The following RABGAP1L variants were observed in gnomAD, a reference collection of about 807,000 sequenced individuals.
RABGAP1L encodes rab GTPase-activating protein 1-like.
Under a neutral mutation model 137.7 loss-of-function variants are expected in RABGAP1L, and 63 were observed. The ratio of observed to expected loss-of-function variants is 0.46; its 90% CI spans 0.37 to 0.56. The LOEUF (loss-of-function observed/expected upper bound fraction) is 0.56, where lower values mean the gene tolerates loss of function less well. RABGAP1L is among the 20% of genes least tolerant of loss of function. The pLI is 0.00. For missense variants in RABGAP1L, 1,095 were observed against 1,244.0 expected, an observed-to-expected ratio of 0.88 and a Z score of 1.80; for synonymous variants, 431 against 433.7, an observed-to-expected ratio of 0.99 and a Z score of 0.08.
chr1:174,578,136 T>G (rs1203387658), intron 13 of RABGAP1L, among the ~76,000 whole-genome samples: 4 of 152,224 alleles, frequency 2.6e-5, no homozygotes, highest in Non-Finnish European at 5.9e-5. Flanking sequence ...TTGTCCACTA[T>G]ACTTTTAAAA....
chr1:174,399,004 TTTAAG>T (rs1286816313), intron 13 of RABGAP1L, among the ~76,000 whole-genome samples: 1 of 152,200 alleles, frequency 6.6e-6, no homozygotes, highest in Non-Finnish European at 1.5e-5. Context: ...CTATGACAAC[TTTAAG>T]TTTTTAATGT....
intron 18 of RABGAP1L, among the ~76,000 whole-genome samples, chr1:174,766,162 T>C (rs955179775): frequency 6.6e-6 from 1 of 152,138 alleles, no homozygotes; most frequent in African/African-American, 2.4e-5. Context: ...AGCCAAAGTG[T>C]GAGAAGAAAC....
chr1:174,291,013 G>A (rs1034824112), intron 10 of RABGAP1L, among the ~76,000 whole-genome samples: 3 of 152,092 alleles, frequency 2.0e-5, no homozygotes, highest in Admixed American at 2.0e-4. Flanking sequence ...TCCCACTGCA[G>A]CCTTTTAAAA....
At chr1:174,597,144 T>A (rs957772256) in intron 13 of RABGAP1L, among the ~76,000 whole-genome samples, 1 of 152,176 alleles carries the variant, frequency 6.6e-6, no homozygotes, top group African/African-American at 2.4e-5. Flanking sequence ...ATTTTTTGTA[T>A]CAATGTTCGT....
intron 13 of RABGAP1L, among the ~76,000 whole-genome samples, chr1:174,422,054 C>A (rs1056759701): frequency 9.2e-5 from 14 of 152,162 alleles, no homozygotes; most frequent in African/African-American, 3.4e-4. Flanking sequence ...CAGGTGTGAG[C>A]CAACACGCCC....
In RABGAP1L at chr1:174,172,474, T is replaced by C. The variant is rs1282965206; in HGVS notation, c.-34+12817T>C. On this transcript the variant is annotated intron_variant, in intron 1 of 25. Transcript: ENST00000681986. ...TAGCAATTTACATTTTCAACAACAGTGTACAAGGGTTTCCTTTTCTCCACA... is the reference window on the plus strand; with the variant it reads ...TAGCAATTTACATTTTCAACAACAGCGTACAAGGGTTTCCTTTTCTCCACA... Among the ~76,000 whole-genome samples the C allele has an allele frequency of 3.3e-5, 5 of 152,328 alleles. No homozygotes were observed. The South Asian group carries it at 1.0e-3, about 32-fold the overall frequency.
At chr1:174,828,160 A>G (rs1215629384) in intron 19 of RABGAP1L, among the ~76,000 whole-genome samples, 2 of 148,174 alleles carry the variant, frequency 1.3e-5, no homozygotes, top group Non-Finnish European at 3.0e-5. Context: ...AGATTGTCTG[A>G]CATAGTAGGA....
intron 13 of RABGAP1L, among the ~76,000 whole-genome samples, chr1:174,619,975 T>C (rs12743976): frequency 0.023 from 3,515 of 152,024 alleles, 57 homozygotes; most frequent in Middle Eastern, 0.048. Context: ...CAAAAAAAGG[T>C]ACGGGTTGCA....
chr1:174,663,383 C>T (rs1326784935), intron 14 of RABGAP1L, among the ~76,000 whole-genome samples: 1 of 152,162 alleles, frequency 6.6e-6, no homozygotes, highest in African/African-American at 2.4e-5. Context: ...GTCCATAAGA[C>T]TAAATAGTAT....
At chr1:174,576,354 C>T (rs538400355) in intron 13 of RABGAP1L, among the ~76,000 whole-genome samples, 4 of 152,114 alleles carry the variant, frequency 2.6e-5, no homozygotes, top group Non-Finnish European at 4.4e-5. Flanking sequence ...CTCATGCGTC[C>T]GTTTATAGGC....
chr1:174,949,073 G>A (rs767741053), intron 19 of RABGAP1L, among the ~76,000 whole-genome samples: 3 of 152,058 alleles, frequency 2.0e-5, no homozygotes, highest in Non-Finnish European at 2.9e-5. Context: ...GTACCTATTT[G>A]GATAGTTTTA....
chr1:174,875,992 C>A lies in RABGAP1L; in HGVS notation c.2340+64032C>A, dbSNP rs547105316. Among the ~76,000 whole-genome samples the A allele has an allele frequency of 1.7e-4, 26 of 152,232 alleles. No individual in the cohort carries two copies. In the East Asian group the frequency reaches 5.0e-3, roughly 29 times the overall value. ...CTTATTAGATTTGCTTGTTTCCTAG[C>A]AATCAGGTGCTTTTCCCTCCTTCCT... On this transcript the variant is annotated intron_variant, in intron 19 of 25. Transcript: ENST00000681986.
At chr1:174,475,973 T>C (rs560317806) in intron 13 of RABGAP1L, among the ~76,000 whole-genome samples, 134 of 151,940 alleles carry the variant, frequency 8.8e-4, no homozygotes, top group Non-Finnish European at 1.3e-3. Context: ...AGAAAGATTG[T>C]AAATCTTTCT....
chr1:174,641,107 TATA>T (rs1674502569), intron 14 of RABGAP1L, among the ~76,000 whole-genome samples: 1 of 151,752 alleles, frequency 6.6e-6, no homozygotes, highest in Non-Finnish European at 1.5e-5. Context: ...ACACTGGAGA[TATA>T]ATATGCTGTG....
At chr1:174,596,449 A>T (rs1669928112) in intron 13 of RABGAP1L, among the ~76,000 whole-genome samples, 1 of 152,142 alleles carries the variant, frequency 6.6e-6, no homozygotes, top group Admixed American at 6.5e-5. Flanking sequence ...TGGTTAAGTT[A>T]TTCCTAGATA....
At chr1:174,191,058 C>G (rs1222447918) in intron 1 of RABGAP1L, among the ~76,000 whole-genome samples, 1 of 152,056 alleles carries the variant, frequency 6.6e-6, no homozygotes, top group Non-Finnish European at 1.5e-5. Context: ...TAAACTATTG[C>G]AATAGTAATA....
intron 3 of RABGAP1L, 146 bp from the exon 4 acceptor site, chr1:174,230,999 A>G (rs1024186765): frequency 6.8e-5 from 40 of 584,984 alleles, no homozygotes; most frequent in African/African-American, 6.5e-4. Context: ...TTTAAATCCT[A>G]AAATTTTAAA....
chr1:174,541,644 CG>C (rs1665447194), intron 13 of RABGAP1L, among the ~76,000 whole-genome samples: 1 of 151,962 alleles, frequency 6.6e-6, no homozygotes, highest in Admixed American at 6.6e-5. Context: ...GGCAGGGTGG[CG>C]GGCACCTGTA....
chr1:174,986,616 AGT>A (rs1671615218), intron 24 of RABGAP1L, among the ~76,000 whole-genome samples: 1 of 152,234 alleles, frequency 6.6e-6, no homozygotes, highest in South Asian at 2.1e-4. Flanking sequence ...GGCTCGGTAG[AGT>A]AAATGAATAC....
Sources: allele counts gnomAD v4.1 joint callset (sites outside exome capture counted in the v4.1 genomes callset), GRCh38; gene constraint gnomAD v4.1.1; transcripts MANE v1.5; gene names NCBI Gene and HGNC (gene_info 2026-07-23, HGNC 2026-07-21).